Variants in LAMA3 observed in about 807,000 individuals in gnomAD.
LAMA3 encodes laminin subunit alpha-3.
Under a neutral mutation model 402.0 loss-of-function variants are expected in LAMA3, and 281 were observed. The ratio of observed to expected loss-of-function variants is 0.70; its 90% CI spans 0.63 to 0.77. The LOEUF (loss-of-function observed/expected upper bound fraction) is 0.77, where lower values mean the gene tolerates loss of function less well. Ranked by LOEUF, LAMA3 falls within the 30% of genes least tolerant of loss-of-function variation. LAMA3 has a pLI of 0.00. For missense variants in LAMA3, 3,840 were observed against 4,215.5 expected (o/e 0.91, Z 2.47); for synonymous variants, 1,431 against 1,558.4 (o/e 0.92, Z 1.93).
At chr18:23,830,925 C>A (rs1445057877) in intron 23 of LAMA3, among the ~76,000 whole-genome samples, 1 of 152,164 alleles carries the variant, frequency 6.6e-6, no homozygotes, top group African/African-American at 2.4e-5. Flanking sequence ...TTCAAAGCAA[C>A]CTCAAACTCC....
rs554840849 is a variant in LAMA3 at position 23,927,456 on chromosome 18, A to G, written c.8178-667A>G. On this transcript the variant is annotated intron_variant, in intron 62 of 74. Transcript: ENST00000313654. ...AGTGCTGGGATTACAGGCATGAGCC[A>G]CCCCACCCGGCCCGTTAATTTTTTA... Among the ~76,000 whole-genome samples the G allele has an allele frequency of 2.0e-5, 3 of 152,234 alleles. No individual in the cohort carries two copies. The South Asian group carries it at 6.2e-4, about 32-fold the overall frequency.
intron 39 of LAMA3, among the ~76,000 whole-genome samples, chr18:23,881,607 T>C (rs1450845246): frequency 1.3e-5 from 2 of 152,194 alleles, no homozygotes; most frequent in South Asian, 2.1e-4. Flanking sequence ...GTAAAATTGA[T>C]ATAAGTAAAA....
intron 37 of LAMA3, among the ~76,000 whole-genome samples, chr18:23,871,164 G>T (rs2064505700): frequency 6.6e-6 from 1 of 152,154 alleles, no homozygotes; most frequent in South Asian, 2.1e-4. Context: ...ACATTTAAAA[G>T]ATAAGTTGGA....
Position 23,750,984 on chromosome 18 carries a change from G to A in LAMA3, c.751G>A (p.Glu251Lys), listed in dbSNP as rs200781855. Reference protein sequence around the residue: ...KNFTFSHTLREFTKATNIRLR... With the variant: ...KNFTFSHTLRKFTKATNIRLR... ...TTTTACTTTCTCTCACACCCTGAGG[G>A]AGTTTACCAAGGCAACAAACATCCG... Residue 251 changes from glutamate to lysine, a missense_variant, in exon 5 of 75, where the codon GAG (glutamate) becomes AAG (lysine). Transcript: ENST00000313654. The A allele has an allele frequency of 3.1e-6, 5 of 1,613,998 alleles. No homozygotes were observed. The highest frequency in any genetic ancestry group is 4.2e-6 in the Non-Finnish European group (5 of 1,180,024).
intron 2 of LAMA3, among the ~76,000 whole-genome samples, chr18:23,726,175 C>T (rs2061297182): frequency 6.6e-6 from 1 of 152,210 alleles, no homozygotes; most frequent in South Asian, 2.1e-4. Context: ...GGAAATGCAG[C>T]ACCCCTCCCC....
chr18:23,873,026 C>T (rs1598968961), intron 38 of LAMA3: 4 of 1,613,824 alleles, frequency 2.5e-6, no homozygotes, highest in African/African-American at 2.7e-5. Flanking sequence ...GCGCAGCCAG[C>T]GGACGTCCAG....
chr18:23,772,720 G>A (rs568622705), intron 8 of LAMA3, among the ~76,000 whole-genome samples: 2 of 152,248 alleles, frequency 1.3e-5, no homozygotes, highest in Admixed American at 1.3e-4. Flanking sequence ...CTTTTGTGTG[G>A]GTCAAATTGT....
chr18:23,923,257 T>G (rs1160086039), intron 62 of LAMA3, among the ~76,000 whole-genome samples: 1 of 152,108 alleles, frequency 6.6e-6, no homozygotes, highest in Non-Finnish European at 1.5e-5. Context: ...TGACCAAATT[T>G]GGGTTTTCAG....
Position 23,897,763 on chromosome 18 carries a change from C to G in LAMA3, c.5614-975C>G, listed in dbSNP as rs954824467. 2.0e-5 allele frequency among the ~76,000 whole-genome samples: 3 copies of G among 152,220 alleles called. No individual in the cohort carries two copies. The South Asian group carries it at 6.2e-4, about 32-fold the overall frequency. Reference sequence around the variant, plus strand: ...AGAACTATCTTCTTGCTGTATCACACAAACATGCGAAAATTAAGAAAGATT... The same window carrying G: ...AGAACTATCTTCTTGCTGTATCACAGAAACATGCGAAAATTAAGAAAGATT... On this transcript the variant is annotated intron_variant, in intron 44 of 74. Transcript: ENST00000313654.
intron 34 of LAMA3, among the ~76,000 whole-genome samples, chr18:23,860,179 T>G (rs1160198928): frequency 1.3e-5 from 2 of 152,010 alleles, no homozygotes; most frequent in African/African-American, 4.8e-5. Flanking sequence ...ACCCCTCACT[T>G]CTCATTTTTA....
At chr18:23,774,296 C>G (rs562315287) in intron 9 of LAMA3, among the ~76,000 whole-genome samples, 114 of 152,204 alleles carry the variant, frequency 7.5e-4, no homozygotes, top group Non-Finnish European at 1.3e-3. Flanking sequence ...ATAATAGTCA[C>G]ATTGTTTAAA....
intron 2 of LAMA3, among the ~76,000 whole-genome samples, chr18:23,737,072 C>T (rs560703709): frequency 1.2e-4 from 18 of 152,242 alleles, no homozygotes; most frequent in East Asian, 7.7e-4. Context: ...ATATGTTGCC[C>T]CCAGGCTCGC....
intron 4 of LAMA3, among the ~76,000 whole-genome samples, chr18:23,750,164 G>C (rs939921895): frequency 2.0e-5 from 3 of 152,308 alleles, no homozygotes; most frequent in African/African-American, 7.2e-5. Flanking sequence ...TGTAAAGTCA[G>C]GTTGGCTATT....
At chr18:23,906,835 C>T (rs1163449843) in intron 52 of LAMA3, among the ~76,000 whole-genome samples, 1 of 152,170 alleles carries the variant, frequency 6.6e-6, no homozygotes, top group Non-Finnish European at 1.5e-5. Context: ...AGGATGCTAA[C>T]TATGTTGCTA....
At chr18:23,815,125 C>T in intron 15 of LAMA3, 63 bp from the exon 16 acceptor site, 2 of 1,457,378 alleles carry the variant, frequency 1.4e-6, no homozygotes, top group East Asian at 4.5e-5. Context: ...GTGTAATGTT[C>T]CCAGAGCCAG....
At chr18:23,800,711 A>G (rs1324165930) in intron 12 of LAMA3, among the ~76,000 whole-genome samples, 1 of 152,144 alleles carries the variant, frequency 6.6e-6, no homozygotes, top group Non-Finnish European at 1.5e-5. Context: ...TCTGTTAAAC[A>G]CTGTGCTGTT....
chr18:23,714,395 G>T (rs2061056668), intron 2 of LAMA3, among the ~76,000 whole-genome samples: 1 of 152,008 alleles, frequency 6.6e-6, no homozygotes, highest in East Asian at 1.9e-4. Context: ...TGGCGGATGC[G>T]TGTAATCCCA....
intron 38 of LAMA3, among the ~76,000 whole-genome samples, chr18:23,872,224 C>G (rs1229258817): frequency 6.6e-6 from 1 of 152,208 alleles, no homozygotes; most frequent in Non-Finnish European, 1.5e-5. Flanking sequence ...CCACTCTCAA[C>G]TCCCCAGTAG....
At chr18:23,757,879 C>T (rs1274371729) in intron 6 of LAMA3, among the ~76,000 whole-genome samples, 1 of 152,198 alleles carries the variant, frequency 6.6e-6, no homozygotes, top group Non-Finnish European at 1.5e-5. Context: ...ATGGAGCTGG[C>T]GCAGCCTCTG....
Sources: allele counts gnomAD v4.1 joint callset (sites outside exome capture counted in the v4.1 genomes callset), GRCh38; gene constraint gnomAD v4.1.1; transcripts MANE v1.5; gene names NCBI Gene and HGNC (gene_info 2026-07-23, HGNC 2026-07-21).